Variants in BIRC6 observed in about 807,000 individuals in gnomAD.
BIRC6 encodes the protein dual E2 ubiquitin-conjugating enzyme/E3 ubiquitin-protein ligase BIRC6.
In BIRC6, 98 loss-of-function variants were observed where a neutral mutation model predicts 503.3. That is an observed-to-expected ratio of 0.19 (90% CI 0.17 to 0.23). The LOEUF (loss-of-function observed/expected upper bound fraction) is 0.23. Ranked by LOEUF, BIRC6 falls within the 10% of genes least tolerant of loss-of-function variation. BIRC6 has a pLI of 1.00. For missense variants in BIRC6, 5,360 were observed against 5,806.0 expected (o/e 0.92, Z 2.50); for synonymous variants, 2,240 against 2,078.7 (o/e 1.08, Z -2.11).
intron 15 of BIRC6, among the ~76,000 whole-genome samples, chr2:32,436,501 C>T (rs1163361185): frequency 6.6e-6 from 1 of 152,192 alleles, no homozygotes; most frequent in Non-Finnish European, 1.5e-5. Context: ...TTTTACCCTT[C>T]CCATCACATC....
At chr2:32,579,840 T>A (rs534960186) in intron 66 of BIRC6, among the ~76,000 whole-genome samples, 1 of 152,242 alleles carries the variant, frequency 6.6e-6, no homozygotes, top group East Asian at 1.9e-4. Context: ...ACAAAATCAT[T>A]ACTGATGCAT....
At chr2:32,412,527 A>C (rs1025455840) in intron 9 of BIRC6, among the ~76,000 whole-genome samples, 2 of 152,128 alleles carry the variant, frequency 1.3e-5, no homozygotes, top group East Asian at 3.9e-4. Flanking sequence ...AAAAGAATAA[A>C]GGTGAATAAG....
chr2:32,416,107 C>T lies in BIRC6; in HGVS notation c.2816C>T (p.Thr939Ile), dbSNP rs776800382. The change falls in exon 10 of 74, where the codon ACA becomes ATA. Residue 939 changes from threonine (T) to isoleucine (I), a missense_variant. Physicochemically the swap from Thr to Ile is moderately conservative, Grantham distance 89 (BLOSUM62 -1). Transcript: ENST00000421745. ...PKKEGTEEQD[T>I]FVSVIYCSGT... ...AAGGAGGGCACTGAGGAACAGGACA[C>T]ATTTGTTTCTGTGATTTACTGTTCT... 2.1e-5 allele frequency: 34 copies of T among 1,613,276 alleles called. No individual in the cohort carries two copies. Among genetic ancestry groups the T allele is most frequent in the Non-Finnish European group, 1.7e-6 (2 of 1,179,688 alleles).
intron 70 of BIRC6, 197 bp from the exon 71 acceptor site, chr2:32,602,809 G>A (rs1559140141): frequency 2.2e-6 from 1 of 464,828 alleles, no homozygotes; most frequent in Non-Finnish European, 3.8e-6. Flanking sequence ...TTATGAAAAA[G>A]TTATAATGCC....
chr2:32,374,474 ATTT>A (rs1398010357), intron 1 of BIRC6, among the ~76,000 whole-genome samples: 5 of 140,856 alleles, frequency 3.5e-5, no homozygotes, highest in Non-Finnish European at 3.1e-5. Context: ...AATTTTTTTA[ATTT>A]TTTTTTTTTT....
At position 32,453,936 on chromosome 2, in the gene BIRC6, G is replaced by A. The variant is rs1261433457; in HGVS notation, c.4747G>A (p.Asp1583Asn). 1.2e-6 allele frequency: 2 copies of A among 1,612,462 alleles called. No individual in the cohort carries two copies. The highest frequency in any genetic ancestry group is 1.3e-5 in the African/African-American group (1 of 74,844). The change falls in exon 23 of 74, where the codon GAT becomes AAT. Residue 1583 changes from aspartate (D) to asparagine (N), a missense_variant. Around this residue, in one of 16 missense-constraint regions of BIRC6, gnomAD observed 2,299 missense variants for 2,267.2 expected, o/e 1.01. Transcript: ENST00000421745. Reference protein sequence around the residue: ...TSDGTRIERDDAMSSFGVTPA... With the variant: ...TSDGTRIERDNAMSSFGVTPA... ...TGATGGAACCAGAATAGAAAGGGAT[G>A]ATGCAAGTACGTTTACTGGTATATA... is the stretch of plus-strand genomic sequence containing the variant.
chr2:32,398,540 T>C (rs574075127), intron 6 of BIRC6, among the ~76,000 whole-genome samples: 1 of 152,256 alleles, frequency 6.6e-6, no homozygotes, highest in East Asian at 1.9e-4. Context: ...ATTTTATTTT[T>C]AAAATTTTTT....
rs1028944372 is a variant in BIRC6, at chr2:32,603,072, A to G, written c.14059A>G (p.Ser4687Gly). 3 of 1,610,000 alleles carry G rather than the reference A, an allele frequency of 1.9e-6. No individual in the cohort carries two copies. The highest frequency in any genetic ancestry group is 1.7e-5 in the Admixed American group (1 of 59,166). The change falls in exon 71 of 74, where the codon AGC becomes GGC. Residue 4687 changes from serine to glycine, a missense_variant. Transcript: ENST00000421745. ...PEEKWNPQTSSFLQVLVSVQS... is the reference protein window; with the variant it reads ...PEEKWNPQTSGFLQVLVSVQS... ...AGAGAAGTGGAATCCTCAGACCTCA[A>G]GCTTTTTGCAAGTAAACAAAATTTC...
intron 22 of BIRC6, among the ~76,000 whole-genome samples, chr2:32,452,841 C>T (rs2046863935): frequency 6.6e-6 from 1 of 152,082 alleles, no homozygotes; most frequent in Non-Finnish European, 1.5e-5. Context: ...ATTCTTCTGT[C>T]TCCCAATTCT....
intron 65 of BIRC6, chr2:32,566,333 A>C (rs1392396862): frequency 6.6e-6 from 1 of 152,118 alleles, no homozygotes; most frequent in African/African-American, 2.4e-5. Context: ...TGTAATCATG[A>C]CTAACTGCAG....
Position 32,504,147 on chromosome 2 carries a change from C to T in BIRC6, c.9500-858C>T, listed in dbSNP as rs1197063874. ...ACTCCTGGCCCCAAGTGATCCCCCA[C>T]CTTGGCCTCCCAAAGTGTTAGGATT... On this transcript the variant is annotated intron_variant, in intron 49 of 73. Coordinates refer to ENST00000421745, the MANE Select transcript of BIRC6 (RefSeq NM_016252.4). 2.6e-5 allele frequency among the ~76,000 whole-genome samples: 4 copies of T among 151,544 alleles called. No individual in the cohort carries two copies. In the East Asian group the frequency reaches 7.8e-4, roughly 30 times the overall value.
chr2:32,442,360 A>T lies in BIRC6; in HGVS notation c.4143A>T (p.Thr1381=). 5 of 1,612,766 alleles carry T rather than the reference A, an allele frequency of 3.1e-6. No individual in the cohort carries two copies. Among genetic ancestry groups the T allele is most frequent in the Non-Finnish European group, 4.2e-6 (5 of 1,179,296 alleles). The part of the protein sequence containing the change: ...KEGNENLLSK[T]RKFLSDIVRV... ...GAAATGAGAACCTACTTTCAAAAAC[A>T]CGAAAATTTCTGTCAGACATCGTAC... The change falls in exon 19 of 74, where the codon ACA becomes ACT. Residue 1381 remains threonine, a synonymous_variant. Transcript: ENST00000421745.
chr2:32,460,391 C>T (rs1332935974), intron 23 of BIRC6, among the ~76,000 whole-genome samples: 1 of 146,874 alleles, frequency 6.8e-6, no homozygotes, highest in South Asian at 2.2e-4. Flanking sequence ...ATTCTTCTGC[C>T]TCAGCCTCCC....
chr2:32,435,527 A>T lies in BIRC6; in HGVS notation c.3441A>T (p.Lys1147Asn). The T allele has an allele frequency of 1.3e-6, 2 of 1,554,714 alleles. No individual in the cohort carries two copies. Among genetic ancestry groups the T allele is most frequent in the Non-Finnish European group, 1.7e-6 (2 of 1,148,052 alleles). ...ALNIEVEQNGKPSLVDLNEEM... is the reference protein window; with the variant it reads ...ALNIEVEQNGNPSLVDLNEEM... ...ACATTGAAGTGGAACAAAATGGGAAACCGTCCCTGGTTGATTTGAATGAAG... is the reference window on the plus strand; with the variant it reads ...ACATTGAAGTGGAACAAAATGGGAATCCGTCCCTGGTTGATTTGAATGAAG... Residue 1147 changes from lysine (K) to asparagine (N), a missense_variant, in exon 14 of 74, where the codon AAA becomes AAT. By Grantham distance (94) the Lys-to-Asn change is moderately conservative. Coordinates refer to ENST00000421745, the MANE Select transcript of BIRC6 (RefSeq NM_016252.4).
intron 57 of BIRC6, among the ~76,000 whole-genome samples, chr2:32,520,326 G>A (rs145500801): frequency 2.8e-4 from 42 of 152,150 alleles, no homozygotes; most frequent in African/African-American, 8.4e-4. Flanking sequence ...GCATAAAATC[G>A]TAATTCTTTC....
At chr2:32,563,922 A>T (rs897274070) in intron 65 of BIRC6, 3 of 152,106 alleles carry the variant, frequency 2.0e-5, no homozygotes, top group Non-Finnish European at 4.4e-5. Context: ...TACTAAAAAT[A>T]AAAAAATGAG....
chr2:32,476,229 A>G lies in BIRC6; in HGVS notation c.6737A>G (p.Lys2246Arg). ...VHHKQQLNLL[K>R]AKQKALVEQM... ...TTTATAAAGCAACTTAACCTACTAA[A>G]AGCAAAGCAGAAGGCATTGGTAGAA... The change falls in exon 34 of 74, where the codon AAA (lysine) becomes AGA (arginine). Residue 2246 changes from lysine to arginine, a missense_variant. Coordinates refer to ENST00000421745, the MANE Select transcript of BIRC6 (RefSeq NM_016252.4). The G allele has an allele frequency of 6.5e-7, 1 of 1,547,418 alleles. No homozygotes were observed. Among genetic ancestry groups the G allele is most frequent in the Non-Finnish European group, 8.7e-7 (1 of 1,145,830 alleles).
At chr2:32,386,371 A>G (rs765172387) in intron 3 of BIRC6, among the ~76,000 whole-genome samples, 29 of 152,152 alleles carry the variant, frequency 1.9e-4, no homozygotes, top group Non-Finnish European at 4.3e-4. Flanking sequence ...TCATTCTTCA[A>G]GATTCATTTA....
chr2:32,413,421 C>T (rs919657321), intron 9 of BIRC6, among the ~76,000 whole-genome samples: 1 of 151,984 alleles, frequency 6.6e-6, no homozygotes, highest in Non-Finnish European at 1.5e-5. Flanking sequence ...CTCAGGTGAT[C>T]TGCCCGCCTC....
Sources: allele counts gnomAD v4.1 joint callset (sites outside exome capture counted in the v4.1 genomes callset), GRCh38; gene constraint gnomAD v4.1.1; regional missense constraint gnomAD v4.1.1; transcripts MANE v1.5; gene names NCBI Gene and HGNC (gene_info 2026-07-23, HGNC 2026-07-21).